TMPRSS11A: variants seen among roughly 807,000 people sequenced by gnomAD.
TMPRSS11A encodes transmembrane protease serine 11A.
Under a neutral mutation model 58.9 loss-of-function variants are expected in TMPRSS11A, and 53 were observed. The observed-to-expected ratio is 0.90, with a 90% confidence interval of 0.72 to 1.13. The LOEUF (loss-of-function observed/expected upper bound fraction) is 1.13. TMPRSS11A is among the 50% of genes most tolerant of loss of function. The pLI, the probability that TMPRSS11A is intolerant of heterozygous loss-of-function variation, is 0.00. For synonymous variants in TMPRSS11A, 167 were observed against 169.8 expected (o/e 0.98, Z 0.13); for missense variants, 493 against 499.3 (o/e 0.99, Z 0.12).
At chr4:67,947,848 A>G (rs1003654440) in intron 1 of TMPRSS11A, among the ~76,000 whole-genome samples, 1 of 152,220 alleles carries the variant, frequency 6.6e-6, no homozygotes, top group Non-Finnish European at 1.5e-5. Flanking sequence ...TGGACAGAGT[A>G]GGAATCATAT....
At position 67,916,304 on chromosome 4, in the gene TMPRSS11A, T is replaced by C. The variant is rs529367239; in HGVS notation, c.953-1574A>G. Among the ~76,000 whole-genome samples, 220 of 152,232 alleles carry C rather than the reference T, an allele frequency of 1.4e-3. 2 individuals are homozygous for C. The highest frequency in any genetic ancestry group is 2.8e-3 in the Non-Finnish European group (189 of 67,998). ...AAACTAAGTACATTTGAAAAAACCCTAATACACCAGTTTCTTTAGAAGACG... is the reference window on the plus strand; with the variant it reads ...AAACTAAGTACATTTGAAAAAACCCCAATACACCAGTTTCTTTAGAAGACG... On this transcript the variant is annotated intron_variant, in intron 8 of 9. Coordinates refer to ENST00000508048, the MANE Select transcript of TMPRSS11A (RefSeq NM_001114387.2).
chr4:67,949,917 T>G (rs1021829403), intron 1 of TMPRSS11A, among the ~76,000 whole-genome samples: 1 of 152,256 alleles, frequency 6.6e-6, no homozygotes, highest in Non-Finnish European at 1.5e-5. Flanking sequence ...TGTGTAATAT[T>G]ACTTCATATT....
At chr4:67,957,209 G>A (rs1721311252) in intron 1 of TMPRSS11A, among the ~76,000 whole-genome samples, 1 of 152,166 alleles carries the variant, frequency 6.6e-6, no homozygotes, top group African/African-American at 2.4e-5. Context: ...ATAGAGTGGG[G>A]TGCCACTGAA....
At chr4:67,919,351 A>G (rs1424421397) in intron 7 of TMPRSS11A, 119 bp from the exon 8 acceptor site, 5 of 900,606 alleles carry the variant, frequency 5.6e-6, no homozygotes, top group Non-Finnish European at 8.3e-6. Context: ...GGCTGCAGTT[A>G]TAGTTTTCTT....
At chr4:67,930,702 A>G (rs948408134) in intron 4 of TMPRSS11A, among the ~76,000 whole-genome samples, 83 of 151,744 alleles carry the variant, frequency 5.5e-4, no homozygotes, top group Non-Finnish European at 2.8e-4. Context: ...TACCTGAGGA[A>G]CTAAACTTTT....
intron 1 of TMPRSS11A, among the ~76,000 whole-genome samples, chr4:67,962,437 G>A (rs997202241): frequency 1.6e-4 from 24 of 152,080 alleles, no homozygotes; most frequent in African/African-American, 5.6e-4. Context: ...CGACTCCAAG[G>A]AGTTGAGGAC....
chr4:67,914,465 A>T lies in TMPRSS11A; in HGVS notation c.1095+123T>A. The T allele has an allele frequency of 3.5e-6, 3 of 848,546 alleles. No homozygotes were observed. In the East Asian group the frequency reaches 8.5e-5, roughly 24 times the overall value. The allele number at this position is 848,546 out of a possible 1,614,324, so 52.6% of individuals were successfully genotyped here. On this transcript the variant is annotated intron_variant, in intron 9 of 9. Coordinates refer to ENST00000508048, the MANE Select transcript of TMPRSS11A (RefSeq NM_001114387.2). The stretch of plus-strand genomic sequence containing the variant: ...AAGTATTTTGTGCTGTGAAATTTGC[A>T]TTTGTAACTTTTTTGAGCTGACATG...
At chr4:67,962,989 C>T (rs186289488) in intron 1 of TMPRSS11A, among the ~76,000 whole-genome samples, 3 of 152,162 alleles carry the variant, frequency 2.0e-5, no homozygotes, top group Non-Finnish European at 4.4e-5. Context: ...GTAAACACAG[C>T]GAAAGAGAAA....
intron 3 of TMPRSS11A, among the ~76,000 whole-genome samples, chr4:67,942,697 A>G (rs139360727): frequency 3.1e-4 from 47 of 152,274 alleles, no homozygotes; most frequent in African/African-American, 1.1e-3. Flanking sequence ...AGTTAAGTAT[A>G]TGTACATTCA....
At chr4:67,948,624 C>T (rs920816637) in intron 1 of TMPRSS11A, among the ~76,000 whole-genome samples, 1 of 152,180 alleles carries the variant, frequency 6.6e-6, no homozygotes, top group Non-Finnish European at 1.5e-5. Flanking sequence ...CATATGTGCA[C>T]CGACTGATTA....
At chr4:67,937,051 AT>A (rs1720771043) in intron 3 of TMPRSS11A, among the ~76,000 whole-genome samples, 2 of 152,242 alleles carry the variant, frequency 1.3e-5, no homozygotes, top group African/African-American at 4.8e-5. Flanking sequence ...AGAGAGAATC[AT>A]TTTTCTTAGC....
chr4:67,953,240 C>T (rs1173512034), intron 1 of TMPRSS11A, among the ~76,000 whole-genome samples: 1 of 152,096 alleles, frequency 6.6e-6, no homozygotes, highest in Non-Finnish European at 1.5e-5. Flanking sequence ...ATCTGCAGCC[C>T]GGGACTTGGG....
chr4:67,947,385 CCTG>C (rs1721045804), intron 1 of TMPRSS11A, among the ~76,000 whole-genome samples: 1 of 152,062 alleles, frequency 6.6e-6, no homozygotes. Flanking sequence ...CTAAAAGAGT[CCTG>C]CTTCTTTTTT....
intron 8 of TMPRSS11A, among the ~76,000 whole-genome samples, chr4:67,917,467 C>A (rs1251983844): frequency 1.3e-5 from 2 of 152,044 alleles, no homozygotes; most frequent in Admixed American, 6.6e-5. Context: ...ATACTTTGTA[C>A]AATTTCAATT....
chr4:67,934,420 G>A (rs1197789399), intron 3 of TMPRSS11A, among the ~76,000 whole-genome samples: 1 of 152,072 alleles, frequency 6.6e-6, no homozygotes, highest in Non-Finnish European at 1.5e-5. Context: ...CCAACGTTCT[G>A]GCATTCCAAG....
intron 1 of TMPRSS11A, among the ~76,000 whole-genome samples, chr4:67,958,745 G>C (rs1161460739): frequency 3.3e-5 from 5 of 152,134 alleles, no homozygotes; most frequent in African/African-American, 1.2e-4. Context: ...GGTGGGGCCA[G>C]GGGCAAAATG....
Position 67,944,518 on chromosome 4 carries a change from C to G in TMPRSS11A, c.252+1G>C. On this transcript the variant is annotated splice_donor_variant, in intron 3 of 9. Transcript: ENST00000508048. LOFTEE classifies it high-confidence loss of function. ...GATAAAAAGAAGTTTACCTGACTCA[C>G]CAAATTTTCGGTCGTCTCTCGTAAG... 1 of 1,607,806 alleles carries G rather than the reference C, an allele frequency of 6.2e-7. No homozygotes were observed. The highest frequency in any genetic ancestry group is 1.1e-5 in the South Asian group (1 of 89,218).
intron 1 of TMPRSS11A, among the ~76,000 whole-genome samples, chr4:67,950,173 GA>G (rs1372294129): frequency 6.6e-6 from 1 of 152,156 alleles, no homozygotes; most frequent in Non-Finnish European, 1.5e-5. Context: ...TCACATGGCT[GA>G]AATCAAGGCT....
At chr4:67,912,978 T>C (rs1469031348) in intron 9 of TMPRSS11A, among the ~76,000 whole-genome samples, 1 of 152,210 alleles carries the variant, frequency 6.6e-6, no homozygotes. Context: ...TTCTGATTAT[T>C]TTTCTCCTCT....
Sources: gnomAD v4.1 joint callset for allele counts (sites outside exome capture counted in the v4.1 genomes callset) on GRCh38, gnomAD v4.1.1 for gene constraint, MANE v1.5 for transcripts, NCBI Gene and HGNC (gene_info 2026-07-23, HGNC 2026-07-21) for gene names.